The following TOX variants were observed in gnomAD, a reference collection of about 807,000 sequenced individuals.
TOX encodes the protein thymocyte selection-associated high mobility group box protein TOX.
A neutral mutation model predicts 53.7 loss-of-function variants in TOX; 11 were observed. That is an observed-to-expected ratio of 0.20 (90% CI 0.13 to 0.34). The LOEUF (loss-of-function observed/expected upper bound fraction) is 0.34, where lower values mean the gene tolerates loss of function less well. TOX is among the 10% of genes least tolerant of loss of function. TOX has a pLI of 1.00. For missense variants in TOX, 570 were observed against 664.6 expected (o/e 0.86, Z 1.56); for synonymous variants, 225 against 245.3 (o/e 0.92, Z 0.77).
At position 58,883,766 on chromosome 8, in the gene TOX, T is replaced by C. The variant is rs748766350; in HGVS notation, c.412-31961A>G. On this transcript the variant is annotated intron_variant, in intron 3 of 8. Coordinates refer to ENST00000361421, the MANE Select transcript of TOX (RefSeq NM_014729.3). ...AGCACTGCTAATTATATAGAAATTGTAATAATGACAAACAGTCCACAAATT... is the reference window on the plus strand; with the variant it reads ...AGCACTGCTAATTATATAGAAATTGCAATAATGACAAACAGTCCACAAATT... Among the ~76,000 whole-genome samples, 93 of 152,138 alleles carry C rather than the reference T, an allele frequency of 6.1e-4. 1 individual carries two copies. Among genetic ancestry groups the C allele is most frequent in the South Asian group, 4.1e-4 (2 of 4,832 alleles).
At chr8:59,019,554 T>C (rs1014529119) in intron 1 of TOX, among the ~76,000 whole-genome samples, 1 of 152,182 alleles carries the variant, frequency 6.6e-6, no homozygotes, top group African/African-American at 2.4e-5. Flanking sequence ...ACAAAAATGA[T>C]TGCCTAGCCA....
intron 1 of TOX, among the ~76,000 whole-genome samples, chr8:58,993,787 T>G (rs1813501139): frequency 6.6e-6 from 1 of 152,144 alleles, no homozygotes; most frequent in South Asian, 2.1e-4. Context: ...TCCTTTTATA[T>G]GGATTGCATT....
intron 1 of TOX, among the ~76,000 whole-genome samples, chr8:58,992,329 G>A (rs1401154978): frequency 6.6e-6 from 1 of 152,156 alleles, no homozygotes; most frequent in Non-Finnish European, 1.5e-5. Context: ...CTTGCTGCAC[G>A]TAGAAATGCA....
intron 3 of TOX, among the ~76,000 whole-genome samples, chr8:58,929,685 T>A (rs1448635656): frequency 1.3e-5 from 2 of 152,120 alleles, no homozygotes; most frequent in Non-Finnish European, 2.9e-5. Context: ...AACATTTCAA[T>A]GTTAATAATC....
In TOX at chr8:58,956,304, C is replaced by T. The variant is rs1812706355; in HGVS notation, c.168+3639G>A. ...GTTTTATCGGGAGATAAGAGAACCC[C>T]ATAGCATGCGTATCTGAGTGGGCTG... On this transcript the variant is annotated intron_variant, in intron 2 of 8. Coordinates refer to ENST00000361421, the MANE Select transcript of TOX (RefSeq NM_014729.3). Among the ~76,000 whole-genome samples the T allele has an allele frequency of 2.0e-5, 3 of 152,100 alleles. No individual in the cohort carries two copies. The South Asian group carries it at 6.2e-4, about 32-fold the overall frequency.
At chr8:58,998,618 A>ATG (rs1447240655) in intron 1 of TOX, among the ~76,000 whole-genome samples, 23 of 121,370 alleles carry the variant, frequency 1.9e-4, no homozygotes, top group African/African-American at 4.9e-4. Flanking sequence ...ATAAATTTAT[A>ATG]TAATAATATA....
chr8:59,006,609 C>T (rs1813795873), intron 1 of TOX, among the ~76,000 whole-genome samples: 1 of 152,188 alleles, frequency 6.6e-6, no homozygotes, highest in Non-Finnish European at 1.5e-5. Context: ...ATGTTTCTCA[C>T]AAAGGACCTA....
At chr8:59,099,200 T>C (rs1804763663) in intron 1 of TOX, among the ~76,000 whole-genome samples, 2 of 152,220 alleles carry the variant, frequency 1.3e-5, no homozygotes, top group Admixed American at 1.3e-4. Flanking sequence ...TCTGACTTCT[T>C]GGGCTGGAAA....
chr8:58,921,120 G>A (rs753242334), intron 3 of TOX, among the ~76,000 whole-genome samples: 1 of 152,170 alleles, frequency 6.6e-6, no homozygotes, highest in Non-Finnish European at 1.5e-5. Flanking sequence ...AGAGGGCTGC[G>A]TCATGAAGTA....
chr8:58,937,350 C>T (rs961933489), intron 3 of TOX, among the ~76,000 whole-genome samples: 2 of 152,122 alleles, frequency 1.3e-5, no homozygotes, highest in African/African-American at 4.8e-5. Context: ...CAGTTTTTGA[C>T]AGTAGGTTGG....
chr8:59,025,981 G>A (rs553953091), intron 1 of TOX, among the ~76,000 whole-genome samples: 83 of 152,280 alleles, frequency 5.5e-4, no homozygotes, highest in Non-Finnish European at 9.7e-4. Flanking sequence ...AATGCACCAC[G>A]TGAGTGTAAA....
At chr8:58,947,708 T>C (rs1812546798) in intron 2 of TOX, among the ~76,000 whole-genome samples, 1 of 152,214 alleles carries the variant, frequency 6.6e-6, no homozygotes, top group Admixed American at 6.5e-5. Context: ...TCAAACTAAG[T>C]GATATCAGAG....
chr8:59,092,454 T>C (rs535475432), intron 1 of TOX, among the ~76,000 whole-genome samples: 1 of 149,650 alleles, frequency 6.7e-6, no homozygotes, highest in East Asian at 1.9e-4. Flanking sequence ...CTGGTTTCCA[T>C]CCTGTCCTCA....
At chr8:59,033,068 A>G (rs2129420152) in intron 1 of TOX, among the ~76,000 whole-genome samples, 1 of 152,194 alleles carries the variant, frequency 6.6e-6, no homozygotes, top group South Asian at 2.1e-4. Flanking sequence ...AAAACAAGAA[A>G]GAAAAAAAGA....
At chr8:58,970,553 T>C (rs566913808) in intron 1 of TOX, among the ~76,000 whole-genome samples, 1 of 152,286 alleles carries the variant, frequency 6.6e-6, no homozygotes, top group East Asian at 1.9e-4. Flanking sequence ...AGGTAATCCT[T>C]CCCTGACCTC....
chr8:58,965,893 C>G (rs1438260780), intron 1 of TOX, among the ~76,000 whole-genome samples: 1 of 33,010 alleles, frequency 3.0e-5, no homozygotes, highest in East Asian at 1.1e-3. Context: ...TACGAGTCAT[C>G]GTTTTTTTTT....
At chr8:58,952,507 G>A (rs1356156379) in intron 2 of TOX, among the ~76,000 whole-genome samples, 1 of 152,118 alleles carries the variant, frequency 6.6e-6, no homozygotes, top group Non-Finnish European at 1.5e-5. Flanking sequence ...AAATATAATT[G>A]TAAACAAGCC....
chr8:58,834,373 A>AT (rs1173396762), intron 5 of TOX, among the ~76,000 whole-genome samples: 1 of 152,156 alleles, frequency 6.6e-6, no homozygotes, highest in Non-Finnish European at 1.5e-5. Flanking sequence ...TAACATGCAT[A>AT]TTTGTCCAAA....
intron 1 of TOX, among the ~76,000 whole-genome samples, chr8:59,054,802 CAG>C (rs948757015): frequency 1.0e-5 from 1 of 98,190 alleles, no homozygotes; most frequent in Non-Finnish European, 2.1e-5. Context: ...GAGAAAAAGA[CAG>C]AGAGAGAAGG....
Sources: gnomAD v4.1 joint callset for allele counts (sites outside exome capture counted in the v4.1 genomes callset) on GRCh38, gnomAD v4.1.1 for gene constraint, MANE v1.5 for transcripts, NCBI Gene and HGNC (gene_info 2026-07-23, HGNC 2026-07-21) for gene names.